The following MAPK8 variants were observed in gnomAD, a reference collection of about 807,000 sequenced individuals.
MAPK8 encodes mitogen-activated protein kinase 8.
A neutral mutation model predicts 52.9 loss-of-function variants in MAPK8; 13 were observed. That is an observed-to-expected ratio of 0.25 (90% CI 0.16 to 0.39). The LOEUF (loss-of-function observed/expected upper bound fraction) is 0.39. Among genes scored for constraint, MAPK8 ranks in the 10% least tolerant of loss-of-function variants. MAPK8 has a pLI of 1.00. For synonymous variants in MAPK8, 191 were observed against 169.8 expected (o/e 1.12, Z -0.97); for missense variants, 300 against 519.2 (o/e 0.58, Z 4.10).
At chr10:48,374,831 C>T (rs1300347312) in intron 1 of MAPK8, among the ~76,000 whole-genome samples, 2 of 152,140 alleles carry the variant, frequency 1.3e-5, no homozygotes, top group Non-Finnish European at 2.9e-5. Context: ...TGGTACCATT[C>T]CTTCTGAAAC....
At chr10:48,310,062 CAGG>C (rs1399594523) in intron 1 of MAPK8, among the ~76,000 whole-genome samples, 1 of 152,172 alleles carries the variant, frequency 6.6e-6, no homozygotes, top group Non-Finnish European at 1.5e-5. Context: ...TGAAAGGTAA[CAGG>C]AGTATTGAAA....
chr10:48,409,850 AT>A, intron 3 of MAPK8, 28 bp from the exon 4 acceptor site: 2 of 1,507,286 alleles, frequency 1.3e-6, no homozygotes, highest in Non-Finnish European at 1.8e-6. Flanking sequence ...GTAATTTCTA[AT>A]TTTTCTGTCT....
intron 1 of MAPK8, among the ~76,000 whole-genome samples, chr10:48,333,064 T>G (rs1320596332): frequency 6.6e-6 from 1 of 152,202 alleles, no homozygotes; most frequent in Non-Finnish European, 1.5e-5. Context: ...ACAAACAGCC[T>G]TATCTCATCA....
At chr10:48,412,424 T>A (rs1220402939) in intron 5 of MAPK8, among the ~76,000 whole-genome samples, 1 of 152,206 alleles carries the variant, frequency 6.6e-6, no homozygotes, top group African/African-American at 2.4e-5. Flanking sequence ...AAAGAAAAAA[T>A]AGATTCATAT....
chr10:48,320,954 A>T (rs773408168), intron 1 of MAPK8, among the ~76,000 whole-genome samples: 5 of 152,082 alleles, frequency 3.3e-5, no homozygotes, highest in Non-Finnish European at 5.9e-5. Context: ...TTTAAATTGC[A>T]CTTCCCTGAT....
chr10:48,324,472 G>A (rs112895916), intron 1 of MAPK8, among the ~76,000 whole-genome samples: 8,296 of 133,406 alleles, frequency 0.062, 571 homozygotes, highest in Admixed American at 0.22. Context: ...TGTTGCTTTA[G>A]TCACTTATAC....
chr10:48,373,506 C>T (rs535543053), intron 1 of MAPK8, among the ~76,000 whole-genome samples: 6 of 135,588 alleles, frequency 4.4e-5, no homozygotes, highest in Middle Eastern at 4.5e-3. Context: ...ACCCATTTCA[C>T]GTGCAAAGAC....
chr10:48,426,305 C>A, intron 8 of MAPK8, 75 bp from the exon 9 acceptor site: 2 of 1,335,430 alleles, frequency 1.5e-6, no homozygotes, highest in South Asian at 1.5e-5. Flanking sequence ...TTTAAAAAAT[C>A]TCAAATTGCT....
intron 1 of MAPK8, among the ~76,000 whole-genome samples, chr10:48,323,082 G>A (rs1843143861): frequency 6.6e-6 from 1 of 152,040 alleles, no homozygotes; most frequent in African/African-American, 2.4e-5. Context: ...TAAGATTTTG[G>A]GTACCAGTTT....
chr10:48,396,912 G>C (rs965124538), intron 1 of MAPK8, among the ~76,000 whole-genome samples: 1 of 152,072 alleles, frequency 6.6e-6, no homozygotes, highest in African/African-American at 2.4e-5. Flanking sequence ...CCAGTCTGTG[G>C]CTTGCCTTTC....
intron 1 of MAPK8, among the ~76,000 whole-genome samples, chr10:48,315,908 T>TG (rs2132105324): frequency 6.6e-6 from 1 of 152,284 alleles, no homozygotes; most frequent in South Asian, 2.1e-4. Context: ...CTCCATTATA[T>TG]GTAAAATGAG....
chr10:48,330,858 C>T (rs1564490202), intron 1 of MAPK8, among the ~76,000 whole-genome samples: 1 of 152,116 alleles, frequency 6.6e-6, no homozygotes, highest in African/African-American at 2.4e-5. Context: ...ATGGGCTGAC[C>T]CCTCCTCTAC....
chr10:48,318,478 G>T (rs1325176692), intron 1 of MAPK8, among the ~76,000 whole-genome samples: 2 of 152,178 alleles, frequency 1.3e-5, no homozygotes, highest in African/African-American at 4.8e-5. Context: ...TTATTGTGTG[G>T]TGGTGGTTGA....
chr10:48,362,801 C>T (rs75554804), intron 1 of MAPK8, among the ~76,000 whole-genome samples: 15,904 of 141,992 alleles, frequency 0.11, 1,217 homozygotes, highest in Admixed American at 0.29. Flanking sequence ...AGTGCAATGG[C>T]GTGATCTTGG....
At chr10:48,350,476 A>G (rs552442164) in intron 1 of MAPK8, among the ~76,000 whole-genome samples, 6 of 152,364 alleles carry the variant, frequency 3.9e-5, no homozygotes, top group African/African-American at 1.4e-4. Flanking sequence ...ATGCAAATCA[A>G]TAAACATAAT....
chr10:48,402,007 G>C (rs1162148252), intron 2 of MAPK8, among the ~76,000 whole-genome samples: 2 of 151,958 alleles, frequency 1.3e-5, no homozygotes, highest in African/African-American at 2.4e-5. Flanking sequence ...AAATGCTTAG[G>C]ACCAGAAGTG....
At chr10:48,380,675 G>T (rs1303361726) in intron 1 of MAPK8, among the ~76,000 whole-genome samples, 1 of 152,218 alleles carries the variant, frequency 6.6e-6, no homozygotes, top group Non-Finnish European at 1.5e-5. Flanking sequence ...GGAGGTTGCA[G>T]TGAGCCAAGA....
intron 1 of MAPK8, among the ~76,000 whole-genome samples, chr10:48,395,582 C>T (rs1210344337): frequency 1.3e-5 from 2 of 152,070 alleles, no homozygotes. Flanking sequence ...TCAAAAGTCA[C>T]TGTTAACACA....
At chr10:48,401,409 T>G (rs2042151684) in intron 1 of MAPK8, among the ~76,000 whole-genome samples, 1 of 152,130 alleles carries the variant, frequency 6.6e-6, no homozygotes, top group African/African-American at 2.4e-5. Flanking sequence ...TAATGTTTCT[T>G]TTTTAAAAAA....
Sources: gnomAD v4.1 joint callset for allele counts (sites outside exome capture counted in the v4.1 genomes callset) on GRCh38, gnomAD v4.1.1 for gene constraint, MANE v1.5 for transcripts, NCBI Gene and HGNC (gene_info 2026-07-23, HGNC 2026-07-21) for gene names.